MOB3B: variants seen among roughly 807,000 people sequenced by gnomAD.
MOB3B encodes MOB kinase activator 3B.
MOB3B carries 7 observed loss-of-function variants against 18.7 expected under a neutral mutation model. The observed-to-expected ratio is 0.37, with a 90% CI of 0.21 to 0.70. The LOEUF (loss-of-function observed/expected upper bound fraction) is 0.70. Ranked by LOEUF, MOB3B falls within the 30% of genes least tolerant of loss-of-function variation. The pLI, the probability that MOB3B is intolerant of heterozygous loss-of-function variation, is 0.52. For missense variants in MOB3B, 253 were observed against 281.3 expected, an observed-to-expected ratio of 0.90 and a Z score of 0.72; for synonymous variants, 111 against 99.9, an observed-to-expected ratio of 1.11 and a Z score of -0.66.
At chr9:27,416,833 G>A (rs1323460205) in intron 2 of MOB3B, among the ~76,000 whole-genome samples, 1 of 152,054 alleles carries the variant, frequency 6.6e-6, no homozygotes, top group African/African-American at 2.4e-5. Context: ...ACCACGGCTA[G>A]CTCATCTTTC....
At chr9:27,510,733 G>A (rs1820130042) in intron 1 of MOB3B, among the ~76,000 whole-genome samples, 1 of 152,142 alleles carries the variant, frequency 6.6e-6, no homozygotes, top group Non-Finnish European at 1.5e-5. Flanking sequence ...TTCATCTCAA[G>A]ATGCTGTACT....
intron 1 of MOB3B, among the ~76,000 whole-genome samples, chr9:27,527,271 G>A (rs1820450027): frequency 6.6e-6 from 1 of 152,138 alleles, no homozygotes; most frequent in Non-Finnish European, 1.5e-5. Flanking sequence ...TTGCTTCTGG[G>A]TTGCTGCTGC....
chr9:27,406,487 A>T lies in MOB3B; in HGVS notation c.419-47251T>A, dbSNP rs569568287. Among the ~76,000 whole-genome samples the T allele has an allele frequency of 1.5e-3, 225 of 152,346 alleles. 1 individual carries two copies. Among genetic ancestry groups the T allele is most frequent in the African/African-American group, 5.3e-3 (219 of 41,584 alleles). ...CATCACATTACACTGACTTCAAATT[A>T]TGCTACAAAGCTACAGTAATTAAAA... On this transcript the variant is annotated intron_variant, in intron 2 of 3. Coordinates refer to ENST00000262244, the MANE Select transcript of MOB3B (RefSeq NM_024761.5).
chr9:27,356,177 T>C (rs1438155401), intron 3 of MOB3B, among the ~76,000 whole-genome samples: 1 of 152,190 alleles, frequency 6.6e-6, no homozygotes, highest in Non-Finnish European at 1.5e-5. Flanking sequence ...AATTAAGCAT[T>C]TAAAAAGTAT....
chr9:27,355,470 C>A (rs1821174875), intron 3 of MOB3B, among the ~76,000 whole-genome samples: 1 of 152,096 alleles, frequency 6.6e-6, no homozygotes, highest in Non-Finnish European at 1.5e-5. Flanking sequence ...CTTCATCATC[C>A]TTTGAGGGTC....
At chr9:27,481,520 G>T (rs13295103) in intron 1 of MOB3B, among the ~76,000 whole-genome samples, 24,483 of 91,160 alleles carry the variant, frequency 0.27, 3,225 homozygotes, top group Non-Finnish European at 0.4. Flanking sequence ...TGTTTTTTTT[G>T]TTTTTTTTTT....
intron 2 of MOB3B, among the ~76,000 whole-genome samples, chr9:27,363,211 A>G (rs1821298712): frequency 6.6e-6 from 1 of 152,244 alleles, no homozygotes; most frequent in African/African-American, 2.4e-5. Context: ...GTGCAATGTC[A>G]TTTAATTCCA....
intron 2 of MOB3B, among the ~76,000 whole-genome samples, chr9:27,385,051 A>G (rs903662577): frequency 1.1e-4 from 16 of 152,224 alleles, no homozygotes; most frequent in African/African-American, 3.9e-4. Context: ...AGAAAGTAGC[A>G]TCAAGTCAAA....
chr9:27,523,226 G>T (rs185937747), intron 1 of MOB3B, among the ~76,000 whole-genome samples: 43 of 152,126 alleles, frequency 2.8e-4, no homozygotes, highest in Middle Eastern at 3.4e-3. Flanking sequence ...TCAGAGGAAG[G>T]TTATTTGGTC....
intron 3 of MOB3B, among the ~76,000 whole-genome samples, chr9:27,344,563 T>G (rs1276480607): frequency 6.6e-6 from 1 of 152,218 alleles, no homozygotes; most frequent in Non-Finnish European, 1.5e-5. Flanking sequence ...ACAAAGGCTG[T>G]CGTAGCCGTC....
At chr9:27,488,417 T>C (rs1819762603) in intron 1 of MOB3B, among the ~76,000 whole-genome samples, 1 of 152,192 alleles carries the variant, frequency 6.6e-6, no homozygotes, top group Admixed American at 6.5e-5. Flanking sequence ...TATTTATTTA[T>C]TTATTTTTGA....
chr9:27,370,997 C>T (rs928858520), intron 2 of MOB3B, among the ~76,000 whole-genome samples: 9 of 152,088 alleles, frequency 5.9e-5, no homozygotes, highest in South Asian at 2.1e-4. Context: ...TTGCAGATCT[C>T]GGAGAGAAAC....
At chr9:27,498,994 T>G (rs1431179090) in intron 1 of MOB3B, among the ~76,000 whole-genome samples, 2 of 152,184 alleles carry the variant, frequency 1.3e-5, no homozygotes, top group Non-Finnish European at 2.9e-5. Context: ...CATTTTAAAG[T>G]GCACCAAATT....
chr9:27,408,653 C>T (rs981000830), intron 2 of MOB3B, among the ~76,000 whole-genome samples: 2 of 152,150 alleles, frequency 1.3e-5, no homozygotes, highest in African/African-American at 4.8e-5. Flanking sequence ...ATGCTGTAAC[C>T]TCACTGTGCC....
intron 3 of MOB3B, among the ~76,000 whole-genome samples, chr9:27,332,030 T>G (rs1368118248): frequency 6.6e-6 from 1 of 152,240 alleles, no homozygotes. Flanking sequence ...GACAGGATCT[T>G]GCTGTTGCCC....
chr9:27,405,549 G>T (rs1821954498), intron 2 of MOB3B, among the ~76,000 whole-genome samples: 1 of 151,930 alleles, frequency 6.6e-6, no homozygotes, highest in South Asian at 2.1e-4. Flanking sequence ...CATTTTCTTG[G>T]TTCCTTCCTT....
At position 27,328,634 on chromosome 9, in the gene MOB3B, T is replaced by G. The variant is rs1239788676; in HGVS notation, c.*1953A>C. On this transcript the variant is annotated 3_prime_UTR_variant, in exon 4 of 4. Coordinates refer to ENST00000262244, the MANE Select transcript of MOB3B (RefSeq NM_024761.5). ...GAAATGCAGGAACATATTCAACTTTTTAATGTAAAAATCCTGTGGCGTTCC... is the reference window on the plus strand; with the variant it reads ...GAAATGCAGGAACATATTCAACTTTGTAATGTAAAAATCCTGTGGCGTTCC... 6.6e-6 allele frequency: 1 copy of G among 152,196 alleles called. No homozygotes were observed. Among genetic ancestry groups the G allele is most frequent in the Non-Finnish European group, 1.5e-5 (1 of 68,046 alleles). The allele number at this position is 152,196 out of a possible 1,614,324, so 9.4% of individuals were successfully genotyped here.
chr9:27,484,017 G>C (rs993635531), intron 1 of MOB3B, among the ~76,000 whole-genome samples: 1 of 152,180 alleles, frequency 6.6e-6, no homozygotes, highest in Non-Finnish European at 1.5e-5. Flanking sequence ...GCAGGGTGAG[G>C]GCCCATAACG....
chr9:27,342,191 A>C (rs370839651), intron 3 of MOB3B, among the ~76,000 whole-genome samples: 1 of 152,172 alleles, frequency 6.6e-6, no homozygotes, highest in Admixed American at 6.5e-5. Context: ...CTCGCGTCGC[A>C]CCATGCCAAT....
Sources: allele counts gnomAD v4.1 joint callset (sites outside exome capture counted in the v4.1 genomes callset), GRCh38; gene constraint gnomAD v4.1.1; transcripts MANE v1.5; gene names NCBI Gene and HGNC (gene_info 2026-07-23, HGNC 2026-07-21).